ATM: variants seen among roughly 807,000 people sequenced by gnomAD.
ATM encodes the protein ATM serine/threonine kinase.
Under a neutral mutation model 387.0 loss-of-function variants are expected in ATM, and 308 were observed. The observed-to-expected ratio is 0.80, with a 90% CI of 0.73 to 0.87. The LOEUF (loss-of-function observed/expected upper bound fraction) is 0.87, where lower values mean the gene tolerates loss of function less well. Among genes scored for constraint, ATM ranks in the 40% least tolerant of loss-of-function variants. ATM has a pLI of 0.00. For missense variants in ATM, 3,312 were observed against 3,560.9 expected, an observed-to-expected ratio of 0.93 and a Z score of 1.78; for synonymous variants, 1,156 against 1,187.3, an observed-to-expected ratio of 0.97 and a Z score of 0.54.
chr11:108,294,554 A>G (rs1334459364), intron 31 of ATM, among the ~76,000 whole-genome samples: 1 of 152,218 alleles, frequency 6.6e-6, no homozygotes, highest in African/African-American at 2.4e-5. Context: ...AGCCTGGCCA[A>G]CATGGCAAAA....
intron 61 of ATM, among the ~76,000 whole-genome samples, chr11:108,364,036 T>C (rs2091080274): frequency 6.6e-6 from 1 of 152,142 alleles, no homozygotes; most frequent in African/African-American, 2.4e-5. Context: ...ACAAGCTACA[T>C]GTAATCAAGC....
chr11:108,244,307 G>A (rs1032363414), intron 6 of ATM, among the ~76,000 whole-genome samples, 189 bp downstream of exon 6: 2 of 152,156 alleles, frequency 1.3e-5, no homozygotes, highest in Non-Finnish European at 2.9e-5. Context: ...AGAACACTAC[G>A]TGAAGTTTTC....
At chr11:108,285,610 C>CTT (rs533744772) in intron 26 of ATM, among the ~76,000 whole-genome samples, 3 of 144,512 alleles carry the variant, frequency 2.1e-5, no homozygotes, top group Non-Finnish European at 3.1e-5. Flanking sequence ...TTCAAGGGAC[C>CTT]TTTTTTTTTT....
chr11:108,294,530 A>G (rs1349734412), intron 31 of ATM, among the ~76,000 whole-genome samples: 9 of 152,232 alleles, frequency 5.9e-5, no homozygotes, highest in Non-Finnish European at 1.3e-4. Flanking sequence ...ATCTGAGGTC[A>G]GGAGTTCGAG....
At chr11:108,350,138 G>C (rs1261292359) in intron 59 of ATM, among the ~76,000 whole-genome samples, 2 of 152,162 alleles carry the variant, frequency 1.3e-5, no homozygotes, top group Non-Finnish European at 2.9e-5. Flanking sequence ...GACATGCCAA[G>C]CAGTTTAAGG....
intron 40 of ATM, among the ~76,000 whole-genome samples, chr11:108,312,944 A>G (rs2084301594): frequency 6.6e-6 from 1 of 152,148 alleles, no homozygotes; most frequent in African/African-American, 2.4e-5. Flanking sequence ...TTCTTTGGTC[A>G]ACTCATTCCT....
rs866466121 is a variant in ATM at position 108,317,646 on chromosome 11, T to C, written c.6347+125T>C. On this transcript the variant is annotated intron_variant, in intron 43 of 62. Coordinates refer to ENST00000675843, the MANE Select transcript of ATM (RefSeq NM_000051.4). ...ATATATATATATATATATATATATA[T>C]ATATATACACACACACACACACACA... is the stretch of plus-strand genomic sequence containing the variant. The C allele has an allele frequency of 0.039, 5,571 of 141,646 alleles. 275 individuals are homozygous for C. The highest frequency in any genetic ancestry group is 0.088 in the African/African-American group (2,140 of 24,274). 8.8% of individuals were successfully genotyped at this position (141,646 alleles called of 1,614,324 possible). A position where few individuals can be genotyped will look rare whatever the true frequency, so the allele number is the denominator to read the frequency against.
chr11:108,336,041 A>C (rs2086816780), intron 56 of ATM, 80 bp downstream of exon 56: 1 of 1,096,174 alleles, frequency 9.1e-7, no homozygotes, highest in African/African-American at 1.6e-5. Flanking sequence ...TCATGCCCAT[A>C]TTCATAATGC....
intron 59 of ATM, among the ~76,000 whole-genome samples, chr11:108,347,672 G>T (rs2088620894): frequency 6.6e-6 from 1 of 152,094 alleles, no homozygotes; most frequent in Admixed American, 6.5e-5. Flanking sequence ...ACCAAAACAA[G>T]GAGTAATTTT....
intron 4 of ATM, among the ~76,000 whole-genome samples, chr11:108,234,644 C>G (rs1044274093): frequency 2.0e-5 from 3 of 152,012 alleles, no homozygotes; most frequent in Non-Finnish European, 4.4e-5. Context: ...CAAGACCAGC[C>G]TGGGGAACAT....
chr11:108,248,049 A>G (rs545505850), intron 8 of ATM, among the ~76,000 whole-genome samples: 16 of 152,162 alleles, frequency 1.1e-4, no homozygotes, highest in Non-Finnish European at 2.1e-4. Flanking sequence ...GAATCATACA[A>G]TATGTGAGTC....
At chr11:108,241,988 G>C (rs1393000561) in intron 5 of ATM, among the ~76,000 whole-genome samples, 1 of 151,370 alleles carries the variant, frequency 6.6e-6, no homozygotes, top group Non-Finnish European at 1.5e-5. Context: ...CCAAAGTGTT[G>C]GGATTACAGG....
At chr11:108,235,536 T>C in intron 4 of ATM, 134 bp from the exon 5 acceptor site, 1 of 810,202 alleles carries the variant, frequency 1.2e-6, no homozygotes, top group South Asian at 1.7e-5. Context: ...GGCCATAATT[T>C]GCCAATTTCT....
Position 108,257,332 on chromosome 11 carries a change from C to T in ATM, c.2251-149C>T, listed in dbSNP as rs150952717. 1,734 of 958,392 alleles carry T rather than the reference C, an allele frequency of 1.8e-3. 6 individuals carry two copies. Among genetic ancestry groups the T allele is most frequent in the South Asian group, 6.9e-3 (414 of 60,210 alleles). 59.4% of individuals were successfully genotyped at this position (958,392 alleles called of 1,614,324 possible). A position where few individuals can be genotyped will look rare whatever the true frequency, so the allele number is the denominator to read the frequency against. Reference sequence around the variant, plus strand: ...GAGTTTTGCTTATACTGTATGACTACGTGGAACTTCTAAAAACATTTCATT... The same window carrying T: ...GAGTTTTGCTTATACTGTATGACTATGTGGAACTTCTAAAAACATTTCATT... On this transcript the variant is annotated intron_variant, in intron 14 of 62. Transcript: ENST00000675843.
Position 108,260,118 on chromosome 11 carries a change from C to T in ATM, c.2466+1043C>T, listed in dbSNP as rs2080774469. Among the ~76,000 whole-genome samples the T allele has an allele frequency of 2.0e-5, 3 of 150,996 alleles. No individual in the cohort carries two copies. The South Asian group carries it at 6.3e-4, about 31-fold the overall frequency. ...GGCACAATCTCGGCTCACTGCAGCCCCCACCTCCTAGGTTCAAGAGATTCT... is the reference window on the plus strand; with the variant it reads ...GGCACAATCTCGGCTCACTGCAGCCTCCACCTCCTAGGTTCAAGAGATTCT... On this transcript the variant is annotated intron_variant, in intron 16 of 62. Transcript: ENST00000675843.
At position 108,268,483 on chromosome 11, in the gene ATM, G is replaced by A. The variant is rs1409179618; in HGVS notation, c.2712G>A (p.Leu904=). ...TTTTCTTAGACATGCTCAAGTTCTT[G>A]TGTTTGTGTGTAACTACTGCTCAGA... ...DLLFLDMLKF[L]CLCVTTAQTN... The change falls in exon 18 of 63, where the codon TTG becomes TTA. Residue 904 remains leucine (L), a synonymous_variant. Coordinates refer to ENST00000675843, the MANE Select transcript of ATM (RefSeq NM_000051.4). The A allele has an allele frequency of 6.2e-7, 1 of 1,613,920 alleles. No individual in the cohort carries two copies. Among genetic ancestry groups the A allele is most frequent in the Admixed American group, 1.7e-5 (1 of 60,002 alleles).
rs3092852 is a variant in ATM at position 108,368,738 on chromosome 11, C to T, written c.*3230C>T. Reference sequence around the variant, plus strand: ...ATTAAGGGAGATAATAGCTTTCCCACCCTACTTTGTGCAGGTCATACCTCC... The same window carrying T: ...ATTAAGGGAGATAATAGCTTTCCCATCCTACTTTGTGCAGGTCATACCTCC... On this transcript the variant is annotated 3_prime_UTR_variant, in exon 63 of 63. Coordinates refer to ENST00000675843, the MANE Select transcript of ATM (RefSeq NM_000051.4). The T allele has an allele frequency of 3.7e-5, 8 of 213,600 alleles. No homozygotes were observed. Among genetic ancestry groups the T allele is most frequent in the Admixed American group, 2.3e-4 (4 of 17,102 alleles). The allele number at this position is 213,600 out of a possible 1,614,324, so 13.2% of individuals were successfully genotyped here.
intron 38 of ATM, chr11:108,309,180 A>C: frequency 1.7e-6 from 1 of 587,354 alleles, no homozygotes; most frequent in South Asian, 2.3e-5. Flanking sequence ...TGTTGGGCAA[A>C]AACAAAGAAC....
At chr11:108,261,470 A>G (rs537135355) in intron 16 of ATM, among the ~76,000 whole-genome samples, 4 of 152,208 alleles carry the variant, frequency 2.6e-5, no homozygotes, top group Non-Finnish European at 5.9e-5. Context: ...ATCCACACCA[A>G]AAACCCATCT....
Sources: allele counts gnomAD v4.1 joint callset (sites outside exome capture counted in the v4.1 genomes callset), GRCh38; gene constraint gnomAD v4.1.1; transcripts MANE v1.5; gene names NCBI Gene and HGNC (gene_info 2026-07-23, HGNC 2026-07-21).